EPB41L5: variants seen among roughly 807,000 people sequenced by gnomAD.
EPB41L5 encodes the protein band 4.1-like protein 5.
A neutral mutation model predicts 106.6 loss-of-function variants in EPB41L5; 55 were observed. The ratio of observed to expected loss-of-function variants is 0.52; its 90% CI spans 0.42 to 0.65. The LOEUF (loss-of-function observed/expected upper bound fraction) is 0.65, where lower values mean the gene tolerates loss of function less well. Among genes scored for constraint, EPB41L5 ranks in the 30% least tolerant of loss-of-function variants. EPB41L5 has a pLI of 0.00. For missense variants in EPB41L5, 871 were observed against 882.1 expected (o/e 0.99, Z 0.16); for synonymous variants, 297 against 306.7 (o/e 0.97, Z 0.33).
At chr2:120,015,084 G>A (rs1057335282) in intron 1 of EPB41L5, among the ~76,000 whole-genome samples, 1 of 151,550 alleles carries the variant, frequency 6.6e-6, no homozygotes, top group African/African-American at 2.4e-5. Context: ...AGCACTTTGG[G>A]AGGCCGAGGC....
intron 1 of EPB41L5, among the ~76,000 whole-genome samples, chr2:120,018,811 G>A (rs575917910): frequency 5.3e-5 from 8 of 151,890 alleles, no homozygotes; most frequent in Admixed American, 1.3e-4. Flanking sequence ...ACCACACCTG[G>A]CTAATTTTAT....
At chr2:120,104,422 A>G in intron 16 of EPB41L5, 3 of 1,366,720 alleles carry the variant, frequency 2.2e-6, no homozygotes, top group Non-Finnish European at 2.8e-6. Context: ...CAAGGAAGCC[A>G]TATAGCATCA....
intron 3 of EPB41L5, among the ~76,000 whole-genome samples, chr2:120,059,739 C>CAA (rs200558462): frequency 1.6e-4 from 24 of 149,398 alleles, no homozygotes; most frequent in Non-Finnish European, 3.4e-4. Context: ...CTTGTCTCTA[C>CAA]AAAAAAAAAC....
intron 2 of EPB41L5, among the ~76,000 whole-genome samples, chr2:120,028,171 A>T (rs1409283154): frequency 1.3e-5 from 2 of 148,198 alleles, no homozygotes; most frequent in African/African-American, 4.9e-5. Context: ...GCCGGAAGTT[A>T]TTTTTTTTTT....
intron 10 of EPB41L5, among the ~76,000 whole-genome samples, chr2:120,085,305 G>A (rs574871860): frequency 3.3e-5 from 5 of 152,278 alleles, no homozygotes; most frequent in East Asian, 1.9e-4. Flanking sequence ...GTTTCGATGC[G>A]GATGTCCTTT....
intron 16 of EPB41L5, among the ~76,000 whole-genome samples, chr2:120,110,222 T>C (rs1177055645): frequency 6.6e-6 from 1 of 152,210 alleles, no homozygotes; most frequent in Admixed American, 6.5e-5. Flanking sequence ...TGTCATCACC[T>C]AGCTTAGAGA....
At chr2:120,026,820 G>A (rs1438156428) in intron 2 of EPB41L5, among the ~76,000 whole-genome samples, 3 of 152,146 alleles carry the variant, frequency 2.0e-5, no homozygotes, top group Non-Finnish European at 4.4e-5. Context: ...ATAAGAGAAA[G>A]TATTTGCAAA....
rs1181683837 is a variant in EPB41L5 at position 120,143,511 on chromosome 2, G to A, written c.1728+380G>A. ...AAGGTGAAGAGTTGGCTGTGCCATG[G>A]TGAAGGATGGAGGGGGTAGGGACTA... is the stretch of plus-strand genomic sequence containing the variant. On this transcript the variant is annotated intron_variant, in intron 19 of 24. Transcript: ENST00000263713. Among the ~76,000 whole-genome samples the A allele has an allele frequency of 2.0e-5, 3 of 152,160 alleles. No homozygotes were observed. The East Asian group carries it at 5.8e-4, about 29-fold the overall frequency.
chr2:120,118,351 T>A (rs543519181), intron 16 of EPB41L5, among the ~76,000 whole-genome samples: 2 of 152,338 alleles, frequency 1.3e-5, no homozygotes, highest in African/African-American at 4.8e-5. Flanking sequence ...TTATTTATTT[T>A]TTCTTTAACT....
chr2:120,018,393 TCTC>T (rs1034340348), intron 1 of EPB41L5, among the ~76,000 whole-genome samples: 2 of 152,178 alleles, frequency 1.3e-5, no homozygotes, highest in Non-Finnish European at 2.9e-5. Flanking sequence ...ATGTTTGCCT[TCTC>T]CTGCCAAATC....
intron 24 of EPB41L5, among the ~76,000 whole-genome samples, chr2:120,171,909 G>GA (rs1316655818): frequency 1.3e-5 from 2 of 150,092 alleles, no homozygotes; most frequent in Admixed American, 6.6e-5. Flanking sequence ...ATAGAAGTAG[G>GA]AAAAAAAGGC....
At chr2:120,083,832 T>C (rs1183350578) in intron 10 of EPB41L5, among the ~76,000 whole-genome samples, 1 of 152,244 alleles carries the variant, frequency 6.6e-6, no homozygotes, top group Non-Finnish European at 1.5e-5. Flanking sequence ...TCTTGTTGAA[T>C]TGATCTCTTT....
At chr2:120,049,759 C>T (rs752321808) in intron 3 of EPB41L5, among the ~76,000 whole-genome samples, 33 of 152,218 alleles carry the variant, frequency 2.2e-4, no homozygotes, top group Admixed American at 5.9e-4. Flanking sequence ...TTCCTAGCAT[C>T]GATGGTCTTT....
In EPB41L5 at chr2:120,167,527, G is replaced by T; in HGVS notation, c.2004+20G>T. On this transcript the variant is annotated intron_variant, in intron 23 of 24. Transcript: ENST00000263713. ...GTTCCGGTAAGTTCATGTTATTTGT[G>T]ATTTTTCTTCTGGCTACCCTTTCAG... 1.9e-6 allele frequency: 3 copies of T among 1,613,026 alleles called. No individual in the cohort carries two copies. In the Middle Eastern group the frequency reaches 5.0e-4, roughly 266 times the overall value.
intron 2 of EPB41L5, 73 bp downstream of exon 2, chr2:120,019,337 A>T: frequency 7.2e-7 from 1 of 1,395,108 alleles, no homozygotes; most frequent in African/African-American, 1.4e-5. Context: ...AAAGCTTTGT[A>T]TTGGTAACTT....
Position 120,146,288 on chromosome 2 carries a change from A to G in EPB41L5, c.1792A>G (p.Ser598Gly). The G allele has an allele frequency of 7.5e-6, 12 of 1,607,052 alleles. No homozygotes were observed. The highest frequency in any genetic ancestry group is 1.0e-5 in the Non-Finnish European group (12 of 1,173,888). ...CAATGTTCAGGATGCTGCCACAAAC[A>G]GGTACAGTTCTGGGTAGACTGAATT... ...NANVQDAATN[S>G]AVLNENNVPL... Residue 598 changes from serine (S) to glycine (G), a missense_variant and splice_region_variant, in exon 20 of 25, where the codon AGT becomes GGT. Physicochemically the swap from Ser to Gly is moderately conservative, Grantham distance 56 (BLOSUM62 0). Transcript: ENST00000263713.
At chr2:120,167,733 T>G in intron 23 of EPB41L5, 144 bp from the exon 24 acceptor site, 1 of 1,152,758 alleles carries the variant, frequency 8.7e-7, no homozygotes, top group Non-Finnish European at 1.2e-6. Flanking sequence ...TGAAGAATAG[T>G]TAAGAAAAAC....
chr2:120,168,127 G>A, intron 24 of EPB41L5, 120 bp downstream of exon 24: 1 of 1,142,924 alleles, frequency 8.7e-7, no homozygotes, highest in Non-Finnish European at 1.2e-6. Context: ...ATATTGAAAT[G>A]GGGCAAATCT....
chr2:120,052,407 G>A (rs1037638108), intron 3 of EPB41L5, among the ~76,000 whole-genome samples: 8 of 152,146 alleles, frequency 5.3e-5, no homozygotes, highest in African/African-American at 1.9e-4. Flanking sequence ...TACTAAATTT[G>A]ATCCCTTGAT....
Sources: gnomAD v4.1 joint callset for allele counts (sites outside exome capture counted in the v4.1 genomes callset) on GRCh38, gnomAD v4.1.1 for gene constraint, MANE v1.5 for transcripts, NCBI Gene and HGNC (gene_info 2026-07-23, HGNC 2026-07-21) for gene names.